The following LRP1B variants were observed in gnomAD, a reference collection of about 807,000 sequenced individuals.
The protein encoded by LRP1B is low-density lipoprotein receptor-related protein 1B.
LRP1B carries 217 observed loss-of-function variants against 556.6 expected under a neutral mutation model. The ratio of observed to expected loss-of-function variants is 0.39; its 90% CI spans 0.35 to 0.44. The LOEUF is 0.44. LRP1B is among the 20% of genes least tolerant of loss of function. The pLI is 1.00. For synonymous variants in LRP1B, 2,047 were observed against 1,865.8 expected (o/e 1.10, Z -2.50); for missense variants, 5,053 against 5,620.8 (o/e 0.90, Z 3.23).
At chr2:141,616,572 T>C (rs1688309209) in intron 2 of LRP1B, among the ~76,000 whole-genome samples, 1 of 152,208 alleles carries the variant, frequency 6.6e-6, no homozygotes, top group South Asian at 2.1e-4. Context: ...ATTTTATAGA[T>C]ATGCAAAGGC....
chr2:142,015,230 G>A (rs183633506), intron 1 of LRP1B, among the ~76,000 whole-genome samples: 1 of 152,140 alleles, frequency 6.6e-6, no homozygotes, highest in East Asian at 1.9e-4. Context: ...ACATCTACAA[G>A]CAGCTGACCT....
At chr2:140,292,372 C>A (rs1462711497) in intron 84 of LRP1B, among the ~76,000 whole-genome samples, 1 of 152,126 alleles carries the variant, frequency 6.6e-6, no homozygotes, top group Non-Finnish European at 1.5e-5. Context: ...TGCCAGCTCT[C>A]CTGTAGAAAA....
intron 2 of LRP1B, among the ~76,000 whole-genome samples, chr2:141,571,697 G>T (rs974265274): frequency 6.6e-6 from 1 of 150,900 alleles, no homozygotes; most frequent in Admixed American, 6.6e-5. Context: ...AAGGTTAGAG[G>T]AATTGCCACT....
intron 35 of LRP1B, among the ~76,000 whole-genome samples, chr2:140,732,060 T>C (rs901079979): frequency 6.6e-6 from 1 of 152,152 alleles, no homozygotes; most frequent in Non-Finnish European, 1.5e-5. Flanking sequence ...TTGTTTAGAA[T>C]AACTCAATAA....
intron 1 of LRP1B, among the ~76,000 whole-genome samples, chr2:141,874,084 A>ATTTT (rs200281267): frequency 1.5e-4 from 15 of 103,124 alleles, no homozygotes; most frequent in African/African-American, 3.1e-4. Context: ...TGAACTAACA[A>ATTTT]TTTTTTTTTT....
chr2:140,848,544 C>A, intron 29 of LRP1B, among the ~76,000 whole-genome samples: 1 of 152,318 alleles, frequency 6.6e-6, no homozygotes, highest in South Asian at 2.1e-4. Flanking sequence ...AAAATCTACA[C>A]TTCCTATTGC....
At chr2:141,632,227 C>A (rs1022982378) in intron 2 of LRP1B, among the ~76,000 whole-genome samples, 1 of 151,820 alleles carries the variant, frequency 6.6e-6, no homozygotes, top group Non-Finnish European at 1.5e-5. Context: ...TTTTAAAATG[C>A]GTATTAAAAA....
intron 3 of LRP1B, among the ~76,000 whole-genome samples, chr2:141,324,732 G>A (rs554131536): frequency 9.9e-5 from 15 of 152,158 alleles, no homozygotes; most frequent in Admixed American, 2.6e-4. Flanking sequence ...TATTAAGAAA[G>A]TCTGTATAAG....
At chr2:141,318,008 C>G (rs1373150732) in intron 3 of LRP1B, among the ~76,000 whole-genome samples, 1 of 152,004 alleles carries the variant, frequency 6.6e-6, no homozygotes, top group Admixed American at 6.6e-5. Flanking sequence ...GTCCCTCATG[C>G]AGTCAAAACA....
intron 68 of LRP1B, 137 bp downstream of exon 68, chr2:140,378,043 G>A: frequency 1.6e-6 from 1 of 625,970 alleles, no homozygotes; most frequent in Non-Finnish European, 2.9e-6. Context: ...ACAGCACATG[G>A]ATATAATACT....
chr2:140,571,351 T>C (rs752935198), intron 43 of LRP1B, among the ~76,000 whole-genome samples: 23 of 151,760 alleles, frequency 1.5e-4, no homozygotes, highest in Non-Finnish European at 3.1e-4. Flanking sequence ...AATGGTAACA[T>C]TTCTATACAC....
At chr2:141,206,310 G>A (rs111273152) in intron 6 of LRP1B, among the ~76,000 whole-genome samples, 474 of 152,164 alleles carry the variant, frequency 3.1e-3, no homozygotes, top group African/African-American at 0.011. Context: ...TGCCGGGCGC[G>A]GTGGCTCACG....
intron 1 of LRP1B, among the ~76,000 whole-genome samples, chr2:142,083,135 AAC>A (rs373171769): frequency 1.1e-4 from 16 of 152,196 alleles, no homozygotes; most frequent in African/African-American, 3.9e-4. Context: ...CATAATGGTA[AAC>A]ACAGCCCGAA....
At chr2:141,389,934 G>A (rs1372805233) in intron 3 of LRP1B, among the ~76,000 whole-genome samples, 4 of 152,150 alleles carry the variant, frequency 2.6e-5, no homozygotes, top group Non-Finnish European at 5.9e-5. Flanking sequence ...GAGGTCGGGA[G>A]TTTGAGACCA....
chr2:140,811,461 A>AT (rs533768056), intron 32 of LRP1B, among the ~76,000 whole-genome samples: 1 of 152,046 alleles, frequency 6.6e-6, no homozygotes, highest in Non-Finnish European at 1.5e-5. Flanking sequence ...ATTTTATTAT[A>AT]TTTTTTTCCC....
chr2:141,918,047 A>G (rs537129268), intron 1 of LRP1B, among the ~76,000 whole-genome samples: 1 of 152,214 alleles, frequency 6.6e-6, no homozygotes, highest in East Asian at 1.9e-4. Context: ...TATTTTATAA[A>G]TGAAAATGGC....
intron 1 of LRP1B, among the ~76,000 whole-genome samples, chr2:142,013,282 G>A (rs987206345): frequency 3.3e-5 from 5 of 152,108 alleles, no homozygotes; most frequent in Non-Finnish European, 7.4e-5. Context: ...CTTAAAGGAA[G>A]TAATGTTAAA....
At chr2:141,382,867 C>T (rs1207661196) in intron 3 of LRP1B, among the ~76,000 whole-genome samples, 1 of 151,942 alleles carries the variant, frequency 6.6e-6, no homozygotes, top group East Asian at 1.9e-4. Context: ...CAAAAGTAAA[C>T]AAGTGGGACT....
intron 68 of LRP1B, among the ~76,000 whole-genome samples, chr2:140,376,381 T>A (rs1683228626): frequency 6.6e-6 from 1 of 152,208 alleles, no homozygotes; most frequent in African/African-American, 2.4e-5. Flanking sequence ...CACCTCTTGA[T>A]GTTTTACATA....
Sources: allele counts gnomAD v4.1 joint callset (sites outside exome capture counted in the v4.1 genomes callset), GRCh38; gene constraint gnomAD v4.1.1; transcripts MANE v1.5; gene names NCBI Gene and HGNC (gene_info 2026-07-23, HGNC 2026-07-21).